DSCAM: variants seen among roughly 807,000 people sequenced by gnomAD.
DSCAM encodes the protein cell adhesion molecule DSCAM.
In DSCAM, 47 loss-of-function variants were observed where a neutral mutation model predicts 217.7. That is an observed-to-expected ratio of 0.22 (90% CI 0.17 to 0.28). The LOEUF (loss-of-function observed/expected upper bound fraction) is 0.28. DSCAM is among the 10% of genes least tolerant of loss of function. DSCAM has a pLI of 1.00. For synonymous variants in DSCAM, 1,056 were observed against 1,015.3 expected (o/e 1.04, Z -0.76); for missense variants, 2,080 against 2,618.3 (o/e 0.79, Z 4.49).
At chr21:40,080,497 A>G (rs751682855) in intron 24 of DSCAM, among the ~76,000 whole-genome samples, 157 bp from the exon 25 acceptor site, 40 of 152,194 alleles carry the variant, frequency 2.6e-4, no homozygotes, top group Non-Finnish European at 5.4e-4. Context: ...CAGGAAATGT[A>G]ACCCAGCCTG....
intron 15 of DSCAM, among the ~76,000 whole-genome samples, 193 bp downstream of exon 15, chr21:40,178,734 T>G (rs2090760639): frequency 6.6e-6 from 1 of 152,238 alleles, no homozygotes; most frequent in African/African-American, 2.4e-5. Flanking sequence ...AAATCCTATT[T>G]GAAGAGCAGT....
intron 3 of DSCAM, among the ~76,000 whole-genome samples, chr21:40,403,788 G>A (rs952401492): frequency 2.0e-5 from 3 of 152,042 alleles, no homozygotes; most frequent in Non-Finnish European, 4.4e-5. Flanking sequence ...TGGCTGATGA[G>A]GACATTATGC....
chr21:40,324,103 CAAAAAAAAAAAAAA>C (rs71330393), intron 8 of DSCAM, among the ~76,000 whole-genome samples: 7 of 27,944 alleles, frequency 2.5e-4, no homozygotes, highest in South Asian at 4.7e-3. Flanking sequence ...AACTCTGTCT[CAAAAAAAAAAAAAA>C]AAAAAAAAAA....
chr21:40,072,333 C>T (rs760169), intron 27 of DSCAM, among the ~76,000 whole-genome samples: 69,661 of 150,976 alleles, frequency 0.46, 17,901 homozygotes, highest in African/African-American at 0.69. Context: ...GCATCCTGAC[C>T]GCCCTCCTGT....
At chr21:40,352,174 A>C (rs372734326) in intron 5 of DSCAM, among the ~76,000 whole-genome samples, 15 of 152,192 alleles carry the variant, frequency 9.9e-5, no homozygotes, top group African/African-American at 3.4e-4. Flanking sequence ...AATGCAAAAC[A>C]ATGGGAAATA....
intron 18 of DSCAM, among the ~76,000 whole-genome samples, chr21:40,136,960 G>T (rs1320660120): frequency 6.6e-6 from 1 of 152,046 alleles, no homozygotes; most frequent in Admixed American, 6.6e-5. Context: ...GGATCACGAG[G>T]TCAAGACATC....
At chr21:40,764,236 A>G (rs1326445736) in intron 1 of DSCAM, among the ~76,000 whole-genome samples, 2 of 152,092 alleles carry the variant, frequency 1.3e-5, no homozygotes, top group Non-Finnish European at 1.5e-5. Flanking sequence ...GGGAACTTAA[A>G]CAAATTTACA....
At chr21:40,101,281 G>A (rs926576815) in intron 20 of DSCAM, among the ~76,000 whole-genome samples, 2 of 152,010 alleles carry the variant, frequency 1.3e-5, no homozygotes, top group African/African-American at 4.8e-5. Context: ...AAGTTGAGAA[G>A]CAAGCCAACA....
intron 3 of DSCAM, among the ~76,000 whole-genome samples, chr21:40,370,618 T>C (rs1262178828): frequency 6.9e-6 from 1 of 145,580 alleles, no homozygotes; most frequent in East Asian, 2.1e-4. Flanking sequence ...AAATTAAAAA[T>C]GGTTTATGGT....
chr21:40,179,885 T>C (rs964483825), intron 14 of DSCAM, among the ~76,000 whole-genome samples: 2 of 152,158 alleles, frequency 1.3e-5, no homozygotes, highest in African/African-American at 4.8e-5. Context: ...TTGTTGACTG[T>C]AGGTGTGTGG....
At chr21:40,224,793 C>A (rs574345346) in intron 11 of DSCAM, among the ~76,000 whole-genome samples, 2 of 152,142 alleles carry the variant, frequency 1.3e-5, no homozygotes, top group Non-Finnish European at 2.9e-5. Context: ...ATTGGGACAA[C>A]CATCTCTAAG....
At chr21:40,431,921 C>A (rs1214503552) in intron 3 of DSCAM, among the ~76,000 whole-genome samples, 5 of 152,266 alleles carry the variant, frequency 3.3e-5, no homozygotes, top group African/African-American at 1.2e-4. Context: ...TTCTTCTGGC[C>A]AGGTGTGGTG....
intron 3 of DSCAM, among the ~76,000 whole-genome samples, chr21:40,386,140 T>C (rs1293198607): frequency 1.3e-5 from 2 of 152,210 alleles, no homozygotes; most frequent in African/African-American, 2.4e-5. Flanking sequence ...CTTAACACTG[T>C]GCTTTTATTT....
In DSCAM at chr21:40,033,671, C is replaced by T. The variant is rs967585705; in HGVS notation, c.5686+8700G>A. Among the ~76,000 whole-genome samples, 15 of 151,816 alleles carry T rather than the reference C, an allele frequency of 9.9e-5. 2 individuals are homozygous for T. Among genetic ancestry groups the T allele is most frequent in the African/African-American group, 3.7e-4 (15 of 41,032 alleles). Reference sequence around the variant, plus strand: ...GGAAGCTCGAACTGGGTGGAGCCCACCACAGCTCAAGGAGGCCTGCCTGCC... The same window carrying T: ...GGAAGCTCGAACTGGGTGGAGCCCATCACAGCTCAAGGAGGCCTGCCTGCC... On this transcript the variant is annotated intron_variant, in intron 32 of 32. Coordinates refer to ENST00000400454, the MANE Select transcript of DSCAM (RefSeq NM_001389.5).
intron 11 of DSCAM, among the ~76,000 whole-genome samples, chr21:40,275,613 A>G (rs992525413): frequency 2.6e-5 from 4 of 152,190 alleles, no homozygotes; most frequent in African/African-American, 9.7e-5. Flanking sequence ...TCTGTCTTGT[A>G]GTTGTTCGCT....
intron 11 of DSCAM, among the ~76,000 whole-genome samples, chr21:40,240,198 C>T (rs889086332): frequency 6.6e-6 from 1 of 152,102 alleles, no homozygotes; most frequent in African/African-American, 2.4e-5. Context: ...GAAGCCCTCC[C>T]GATTAACATT....
At chr21:40,798,731 T>C (rs1349323174) in intron 1 of DSCAM, among the ~76,000 whole-genome samples, 1 of 152,120 alleles carries the variant, frequency 6.6e-6, no homozygotes, top group Non-Finnish European at 1.5e-5. Flanking sequence ...AAATGTTTAA[T>C]AAAAGACATA....
chr21:40,104,212 T>C (rs1454792872), intron 20 of DSCAM, among the ~76,000 whole-genome samples: 1 of 152,196 alleles, frequency 6.6e-6, no homozygotes, highest in Non-Finnish European at 1.5e-5. Flanking sequence ...TTTAACTTGA[T>C]TGCTGTCACC....
At chr21:40,239,027 T>C (rs1308214876) in intron 11 of DSCAM, among the ~76,000 whole-genome samples, 1 of 152,154 alleles carries the variant, frequency 6.6e-6, no homozygotes, top group Non-Finnish European at 1.5e-5. Flanking sequence ...AAACTTTCCC[T>C]AGGAATGGCT....
Sources: gnomAD v4.1 joint callset for allele counts (sites outside exome capture counted in the v4.1 genomes callset) on GRCh38, gnomAD v4.1.1 for gene constraint, MANE v1.5 for transcripts, NCBI Gene and HGNC (gene_info 2026-07-23, HGNC 2026-07-21) for gene names.